Variants in TNRC6A observed in about 807,000 individuals in gnomAD.
TNRC6A encodes the protein trinucleotide repeat containing adaptor 6A.
In TNRC6A, 44 loss-of-function variants were observed where a neutral mutation model predicts 221.2. The ratio of observed to expected loss-of-function variants is 0.20; its 90% CI spans 0.16 to 0.26. The LOEUF is 0.26. Ranked by LOEUF, TNRC6A falls within the 10% of genes least tolerant of loss-of-function variation. The pLI is 1.00. For missense variants in TNRC6A, 2,199 were observed against 2,404.4 expected, an observed-to-expected ratio of 0.91 and a Z score of 1.79; for synonymous variants, 847 against 838.5, an observed-to-expected ratio of 1.01 and a Z score of -0.18.
chr16:24,702,182 CTTTTTTT>C (rs371770211), intron 2 of TNRC6A, among the ~76,000 whole-genome samples: 3 of 119,384 alleles, frequency 2.5e-5, no homozygotes, highest in African/African-American at 9.1e-5. Flanking sequence ...TTTCTTTTTT[CTTTTTTT>C]TTTTTTGAGG....
intron 1 of TNRC6A, among the ~76,000 whole-genome samples, chr16:24,617,454 G>A (rs1284246637): frequency 6.6e-6 from 1 of 152,152 alleles, no homozygotes; most frequent in East Asian, 1.9e-4. Flanking sequence ...TGCCTAGTGT[G>A]ATTGTGTGAT....
At chr16:24,738,680 G>T (rs74402744) in intron 2 of TNRC6A, among the ~76,000 whole-genome samples, 1,625 of 152,176 alleles carry the variant, frequency 0.011, 36 homozygotes, top group African/African-American at 0.037. Flanking sequence ...TTGTTTGTCC[G>T]TTCATCAGTT....
intron 14 of TNRC6A, 139 bp from the exon 15 acceptor site, chr16:24,805,466 T>A: frequency 4.8e-6 from 6 of 1,256,256 alleles, no homozygotes; most frequent in Non-Finnish European, 6.6e-6. Context: ...GGTCAGTTAG[T>A]AAGACAGAGA....
At chr16:24,763,865 T>C (rs1163559589) in intron 4 of TNRC6A, among the ~76,000 whole-genome samples, 3 of 152,206 alleles carry the variant, frequency 2.0e-5, no homozygotes, top group Non-Finnish European at 4.4e-5. Flanking sequence ...TTGTTTATTA[T>C]ATATATTTAA....
At chr16:24,635,276 T>C (rs1437522269) in intron 1 of TNRC6A, among the ~76,000 whole-genome samples, 1 of 151,748 alleles carries the variant, frequency 6.6e-6, no homozygotes, top group East Asian at 1.9e-4. Flanking sequence ...CACGTTTATT[T>C]ATTTATTTAC....
chr16:24,669,648 G>A (rs2055248420), intron 2 of TNRC6A, among the ~76,000 whole-genome samples: 1 of 152,010 alleles, frequency 6.6e-6, no homozygotes, highest in Non-Finnish European at 1.5e-5. Context: ...AAAAGTGCTG[G>A]CAAATTCAAG....
chr16:24,631,696 C>T (rs1291248351), intron 1 of TNRC6A, among the ~76,000 whole-genome samples: 3 of 151,718 alleles, frequency 2.0e-5, no homozygotes, highest in African/African-American at 4.8e-5. Context: ...CACTTGAACC[C>T]AGGAGGTGGA....
intron 13 of TNRC6A, 32 bp from the exon 14 acceptor site, chr16:24,804,982 C>T (rs1367479184): frequency 6.8e-6 from 11 of 1,614,042 alleles, no homozygotes; most frequent in Non-Finnish European, 5.1e-6. Context: ...CTAAAGAATC[C>T]CACTGTTACT....
intron 2 of TNRC6A, among the ~76,000 whole-genome samples, chr16:24,749,480 A>C (rs1279132324): frequency 1.3e-5 from 2 of 152,262 alleles, no homozygotes; most frequent in East Asian, 3.9e-4. Flanking sequence ...CTGTGTAGGC[A>C]TCTGGATGGG....
In TNRC6A at chr16:24,823,551, G is replaced by C. The variant is rs745922177; in HGVS notation, c.5633G>C (p.Ser1878Thr). Residue 1878 changes from serine to threonine, a missense_variant, in exon 25 of 25, where the codon AGC (serine) becomes ACC (threonine). By Grantham distance (58) the Ser-to-Thr change is moderately conservative (BLOSUM62 1). This residue lies in a region of TNRC6A where 130 missense variants were observed against 121.7 expected (regional missense o/e 1.07). Transcript: ENST00000395799. The surrounding 1 kb of genome is among the most constrained non-coding windows in gnomAD (Gnocchi z 4.3). ...CCCGGCTGGCAGTCTCTCGGGTCCA[G>C]CCAGAGCCGGCTGGGCTCCCTCGAC... is the stretch of plus-strand genomic sequence containing the variant. Reference protein sequence around the residue: ...PSPGWQSLGSSQSRLGSLDCS... With the variant: ...PSPGWQSLGSTQSRLGSLDCS... The C allele has an allele frequency of 6.2e-7, 1 of 1,614,194 alleles. No homozygotes were observed.
chr16:24,682,445 C>A (rs1596666476), intron 2 of TNRC6A, among the ~76,000 whole-genome samples: 2 of 146,084 alleles, frequency 1.4e-5, no homozygotes, highest in East Asian at 4.1e-4. Flanking sequence ...CCAGGCTGGT[C>A]TCAAACTCCT....
At chr16:24,744,447 C>T (rs886924331) in intron 2 of TNRC6A, among the ~76,000 whole-genome samples, 1 of 152,186 alleles carries the variant, frequency 6.6e-6, no homozygotes, top group Admixed American at 6.5e-5. Flanking sequence ...ATTCTTCTTA[C>T]ATTAGTTGAT....
intron 10 of TNRC6A, 119 bp from the exon 11 acceptor site, chr16:24,797,796 T>G (rs1319451799): frequency 3.2e-6 from 3 of 947,386 alleles, no homozygotes; most frequent in Admixed American, 6.0e-5. Context: ...CAGTGAAAAA[T>G]GAAGCTTTAT....
intron 4 of TNRC6A, among the ~76,000 whole-genome samples, chr16:24,761,485 A>G (rs1166413749): frequency 1.3e-5 from 2 of 152,154 alleles, no homozygotes; most frequent in Admixed American, 6.6e-5. Flanking sequence ...CCTTCTTCAG[A>G]GTGTCCTTGG....
At chr16:24,664,346 T>TAATA (rs1338775395) in intron 2 of TNRC6A, among the ~76,000 whole-genome samples, 1 of 149,122 alleles carries the variant, frequency 6.7e-6, no homozygotes. Flanking sequence ...AAATTCCAAA[T>TAATA]AATAAATAAA....
Position 24,612,335 on chromosome 16 carries a change from G to C in TNRC6A, n.276+1851G>C, listed in dbSNP as rs530479185. Among the ~76,000 whole-genome samples, 22 of 152,242 alleles carry C rather than the reference G, an allele frequency of 1.4e-4. No individual in the cohort carries two copies. The South Asian group carries it at 4.4e-3, about 30-fold the overall frequency. The stretch of plus-strand genomic sequence containing the variant: ...TCCAAGATGGAGAAACTGAGGCAAG[G>C]AGCAGCTCATTAGGTCACTTGCTTA... On this transcript the variant is annotated intron_variant and non_coding_transcript_variant, in intron 1 of 2. Coordinates refer to the TNRC6A transcript ENST00000566108.
intron 3 of TNRC6A, among the ~76,000 whole-genome samples, chr16:24,754,422 A>G (rs1356177636): frequency 2.6e-5 from 4 of 152,210 alleles, no homozygotes; most frequent in African/African-American, 9.7e-5. Context: ...TTTTGTTCTT[A>G]AAATTTTTTG....
At chr16:24,680,437 A>G (rs2055508501) in intron 2 of TNRC6A, among the ~76,000 whole-genome samples, 1 of 149,934 alleles carries the variant, frequency 6.7e-6, no homozygotes. Flanking sequence ...AAAAAAAAGG[A>G]GGCCCGGTGC....
intron 11 of TNRC6A, among the ~76,000 whole-genome samples, chr16:24,798,651 A>G (rs1203792987): frequency 6.6e-6 from 1 of 152,216 alleles, no homozygotes; most frequent in East Asian, 1.9e-4. Flanking sequence ...GATGGAAATA[A>G]TCTAATTCCA....
Sources: gnomAD v4.1 joint callset for allele counts (sites outside exome capture counted in the v4.1 genomes callset) on GRCh38, gnomAD v4.1.1 for gene constraint, gnomAD v4.1.1 regional missense constraint, Gnocchi (gnomAD v3.1) non-coding constraint, MANE v1.5 for transcripts, NCBI Gene and HGNC (gene_info 2026-07-23, HGNC 2026-07-21) for gene names.